The following C12orf42 variants were observed in gnomAD, a reference collection of about 807,000 sequenced individuals.
C12orf42 encodes the protein chromosome 12 open reading frame 42, also known as uncharacterized protein C12orf42.
In C12orf42, 25 loss-of-function variants were observed where a neutral mutation model predicts 21.6. That is an observed-to-expected ratio of 1.16 (90% CI 0.84 to 1.62). The LOEUF (loss-of-function observed/expected upper bound fraction) is 1.62. C12orf42 is among the 40% of genes most tolerant of loss of function. C12orf42 has a pLI of 0.00. For missense variants in C12orf42, 483 were observed against 459.3 expected (o/e 1.05, Z -0.47); for synonymous variants, 174 against 175.0 (o/e 0.99, Z 0.05).
the C12orf42 span, among the ~76,000 whole-genome samples, chr12:103,501,118 G>A: frequency 6.6e-6 from 1 of 152,224 alleles, no homozygotes; most frequent in Non-Finnish European, 1.5e-5. Context: ...AAAGTCACAA[G>A]ATTGTGAGAC....
At chr12:103,384,025 G>A (rs1037861829) in intron 3 of C12orf42, among the ~76,000 whole-genome samples, 1 of 152,192 alleles carries the variant, frequency 6.6e-6, no homozygotes, top group Non-Finnish European at 1.5e-5. Context: ...CAGGGATGCA[G>A]TGGGTAGATT....
the C12orf42 span, among the ~76,000 whole-genome samples, chr12:103,530,404 C>T: frequency 2.6e-5 from 4 of 152,172 alleles, no homozygotes; most frequent in East Asian, 1.9e-4. Context: ...CTCTCCAGAT[C>T]GCCCCTGCCT....
At chr12:103,546,104 T>G in the C12orf42 span, among the ~76,000 whole-genome samples, 1 of 152,184 alleles carries the variant, frequency 6.6e-6, no homozygotes. Context: ...ATCTGATTAG[T>G]GAGGGAAGTC....
chr12:103,075,046 C>A, the C12orf42 span, among the ~76,000 whole-genome samples: 1 of 152,184 alleles, frequency 6.6e-6, no homozygotes, highest in South Asian at 2.1e-4. Context: ...TGTGATCATG[C>A]CATTGCACTC....
chr12:103,313,037 C>T (rs982394536), intron 4 of C12orf42, among the ~76,000 whole-genome samples: 7 of 152,188 alleles, frequency 4.6e-5, no homozygotes, highest in African/African-American at 1.2e-4. Context: ...TTCATTTTTC[C>T]ACTCTGTCTT....
chr12:103,387,825 G>A (rs1414291016), intron 3 of C12orf42, among the ~76,000 whole-genome samples: 6 of 152,114 alleles, frequency 3.9e-5, no homozygotes, highest in Non-Finnish European at 5.9e-5. Flanking sequence ...ACAAGACTGC[G>A]CTCTGCCATC....
At chr12:103,494,935 C>T (rs1021539912) in intron 1 of C12orf42, among the ~76,000 whole-genome samples, 1 of 151,884 alleles carries the variant, frequency 6.6e-6, no homozygotes, top group Non-Finnish European at 1.5e-5. Context: ...TTTGAAATTC[C>T]AGAAAGGAAG....
At chr12:103,110,309 T>C in the C12orf42 span, among the ~76,000 whole-genome samples, 1 of 152,360 alleles carries the variant, frequency 6.6e-6, no homozygotes, top group Non-Finnish European at 1.5e-5. Context: ...ACCTTGAGTA[T>C]GAAGGCATTT....
chr12:103,214,767 T>C, the C12orf42 span, among the ~76,000 whole-genome samples: 1 of 152,182 alleles, frequency 6.6e-6, no homozygotes, highest in Non-Finnish European at 1.5e-5. Context: ...GATGAGTCTA[T>C]TGAATTGCTT....
intron 2 of C12orf42, among the ~76,000 whole-genome samples, chr12:103,411,365 C>A (rs1224616874): frequency 6.6e-6 from 1 of 152,142 alleles, no homozygotes; most frequent in African/African-American, 2.4e-5. Flanking sequence ...CTTACCATGA[C>A]ACTCTACTTT....
At chr12:103,364,401 C>T (rs2044401005) in intron 4 of C12orf42, among the ~76,000 whole-genome samples, 1 of 151,388 alleles carries the variant, frequency 6.6e-6, no homozygotes, top group African/African-American at 2.4e-5. Context: ...TAAAAGAGCA[C>T]AAATAGACAA....
intron 2 of C12orf42, among the ~76,000 whole-genome samples, chr12:103,415,939 T>C (rs2049278237): frequency 6.6e-6 from 1 of 152,170 alleles, no homozygotes; most frequent in Admixed American, 6.5e-5. Flanking sequence ...AAGAAAAAAC[T>C]CTCTGCCTTT....
At chr12:103,320,197 G>C (rs2039948826) in intron 4 of C12orf42, among the ~76,000 whole-genome samples, 1 of 152,196 alleles carries the variant, frequency 6.6e-6, no homozygotes. Flanking sequence ...CTTTGAAGCA[G>C]CAGCAGACAT....
intron 4 of C12orf42, among the ~76,000 whole-genome samples, chr12:103,313,224 AGTCC>A (rs2039141148): frequency 6.6e-6 from 1 of 152,248 alleles, no homozygotes; most frequent in South Asian, 2.1e-4. Flanking sequence ...GCATATCTAA[AGTCC>A]AACATAAACC....
chr12:103,376,200 T>A (rs868814287), intron 3 of C12orf42, among the ~76,000 whole-genome samples: 6 of 152,148 alleles, frequency 3.9e-5, no homozygotes, highest in Non-Finnish European at 7.3e-5. Context: ...ATGTGGCACA[T>A]ATATACTACG....
intron 3 of C12orf42, among the ~76,000 whole-genome samples, chr12:103,395,429 G>T (rs569965069): frequency 6.6e-6 from 1 of 150,840 alleles, no homozygotes; most frequent in African/African-American, 2.4e-5. Flanking sequence ...TCCGCCTCCC[G>T]GGTTCACGCC....
chr12:103,203,361 T>G, the C12orf42 span, among the ~76,000 whole-genome samples: 2 of 152,200 alleles, frequency 1.3e-5, no homozygotes, highest in African/African-American at 4.8e-5. Flanking sequence ...GATCAAAACC[T>G]ATGCAGTGAA....
the C12orf42 span, chr12:103,558,539 T>C: frequency 6.6e-6 from 1 of 152,242 alleles, no homozygotes; most frequent in Non-Finnish European, 1.5e-5. Context: ...CAAAAGGGCT[T>C]CCCCAATGAT....
intron 4 of C12orf42, among the ~76,000 whole-genome samples, chr12:103,349,575 C>G (rs573925824): frequency 6.6e-6 from 1 of 152,036 alleles, no homozygotes; most frequent in Non-Finnish European, 1.5e-5. Context: ...GCAAATTTTA[C>G]TTTTCATCTC....
Sources: allele counts gnomAD v4.1 joint callset (sites outside exome capture counted in the v4.1 genomes callset), GRCh38; gene constraint gnomAD v4.1.1; transcripts MANE v1.5; gene names NCBI Gene and HGNC (gene_info 2026-07-23, HGNC 2026-07-21).